The following SEMA3E variants were observed in gnomAD, a reference collection of about 807,000 sequenced individuals.
The protein encoded by SEMA3E is semaphorin-3E.
A neutral mutation model predicts 93.6 loss-of-function variants in SEMA3E; 49 were observed. The ratio of observed to expected loss-of-function variants is 0.52; its 90% confidence interval spans 0.42 to 0.66. The LOEUF is 0.66. SEMA3E is among the 30% of genes least tolerant of loss of function. The probability of loss-of-function intolerance (pLI) is 0.00; values close to 1 mark genes in which losing one functional copy is unlikely to be tolerated. For missense variants in SEMA3E, 906 were observed against 964.8 expected (o/e 0.94, Z 0.81); for synonymous variants, 363 against 330.7 (o/e 1.10, Z -1.06).
At chr7:83,448,841 G>A (rs906737728) in intron 4 of SEMA3E, among the ~76,000 whole-genome samples, 4 of 152,046 alleles carry the variant, frequency 2.6e-5, no homozygotes, top group African/African-American at 9.7e-5. Context: ...TAAGTTTTTG[G>A]TATGAGAGAC....
intron 2 of SEMA3E, among the ~76,000 whole-genome samples, chr7:83,481,746 A>G (rs1790150080): frequency 6.6e-6 from 1 of 152,198 alleles, no homozygotes; most frequent in African/African-American, 2.4e-5. Context: ...ATAATTTAGA[A>G]AGCAAAGCCA....
At chr7:83,388,342 T>A (rs1787926905) in intron 14 of SEMA3E, among the ~76,000 whole-genome samples, 1 of 145,452 alleles carries the variant, frequency 6.9e-6, no homozygotes, top group South Asian at 2.1e-4. Context: ...TATATATATA[T>A]CTTTAAATAT....
chr7:83,510,047 C>A (rs1270176866), intron 1 of SEMA3E, among the ~76,000 whole-genome samples: 1 of 152,068 alleles, frequency 6.6e-6, no homozygotes, highest in East Asian at 1.9e-4. Context: ...AAAAATCTTG[C>A]TTGACTATTA....
Position 83,365,180 on chromosome 7 carries a change from CTG to C in SEMA3E, c.*2404_*2405del, listed in dbSNP as rs1225112776. On this transcript the variant is annotated 3_prime_UTR_variant, in exon 17 of 17. Coordinates refer to ENST00000643230, the MANE Select transcript of SEMA3E (RefSeq NM_012431.3). The stretch of plus-strand genomic sequence containing the variant: ...GTGTGTTGGGAGAGAGAGGGAGAAA[CTG>C]AGAAAATGGTGGGACATGAAACATA... 2.6e-5 allele frequency: 4 copies of C among 151,754 alleles called. No individual in the cohort carries two copies. The highest frequency in any genetic ancestry group is 4.8e-5 in the African/African-American group (2 of 41,284). 9.4% of individuals were successfully genotyped at this position (151,754 alleles called of 1,614,324 possible).
At chr7:83,619,182 G>A (rs1179729436) in intron 1 of SEMA3E, among the ~76,000 whole-genome samples, 1 of 151,232 alleles carries the variant, frequency 6.6e-6, no homozygotes, top group Non-Finnish European at 1.5e-5. Flanking sequence ...TAAATTTATG[G>A]AACAACTTTT....
chr7:83,592,331 G>A (rs1177917044), intron 1 of SEMA3E, among the ~76,000 whole-genome samples: 2 of 152,094 alleles, frequency 1.3e-5, no homozygotes, highest in Non-Finnish European at 2.9e-5. Context: ...AGGTATGTTG[G>A]TGGTAATAAT....
At chr7:83,585,584 A>T (rs1792610488) in intron 1 of SEMA3E, among the ~76,000 whole-genome samples, 1 of 152,222 alleles carries the variant, frequency 6.6e-6, no homozygotes, top group Non-Finnish European at 1.5e-5. Flanking sequence ...AGACTGCTAA[A>T]TGGCTGGATA....
intron 16 of SEMA3E, among the ~76,000 whole-genome samples, chr7:83,377,274 C>T (rs1787665097): frequency 6.6e-6 from 1 of 151,950 alleles, no homozygotes. Flanking sequence ...TTTTTCCCCC[C>T]AAAATAGAGG....
At chr7:83,518,947 T>A (rs1790988881) in intron 1 of SEMA3E, among the ~76,000 whole-genome samples, 1 of 152,118 alleles carries the variant, frequency 6.6e-6, no homozygotes, top group African/African-American at 2.4e-5. Context: ...ACTTGTATAA[T>A]CATTAGATTT....
intron 1 of SEMA3E, among the ~76,000 whole-genome samples, chr7:83,627,756 T>A (rs1219931300): frequency 1.3e-5 from 2 of 151,734 alleles, no homozygotes; most frequent in African/African-American, 2.4e-5. Context: ...CTGATAGGTC[T>A]TGACTCTTTA....
chr7:83,399,880 T>C (rs1788203237), intron 11 of SEMA3E, 148 bp downstream of exon 11: 2 of 711,562 alleles, frequency 2.8e-6, no homozygotes, highest in Non-Finnish European at 5.0e-6. Context: ...ATGAGGTCTC[T>C]ATTTCAATCT....
chr7:83,629,333 G>A (rs929427931), intron 1 of SEMA3E, among the ~76,000 whole-genome samples: 1 of 152,282 alleles, frequency 6.6e-6, no homozygotes, highest in Non-Finnish European at 1.5e-5. Context: ...GAGCTCAAGC[G>A]CTGTGCTGGT....
At chr7:83,373,651 G>C (rs1285962364) in intron 16 of SEMA3E, among the ~76,000 whole-genome samples, 3 of 151,996 alleles carry the variant, frequency 2.0e-5, no homozygotes, top group African/African-American at 7.2e-5. Context: ...AGGAAAGAAA[G>C]TCATTATAAA....
chr7:83,611,373 A>G (rs1376094628), intron 1 of SEMA3E, among the ~76,000 whole-genome samples: 5 of 144,056 alleles, frequency 3.5e-5, no homozygotes, highest in African/African-American at 1.0e-4. Context: ...TATATATTAT[A>G]TATATAAATT....
chr7:83,633,209 CT>C, intron 1 of SEMA3E, among the ~76,000 whole-genome samples: 1 of 152,224 alleles, frequency 6.6e-6, no homozygotes, highest in Admixed American at 6.5e-5. Context: ...ATGCCCCCTT[CT>C]TTACCTCTTC....
chr7:83,482,718 C>A (rs953715549), intron 2 of SEMA3E, among the ~76,000 whole-genome samples: 3 of 151,942 alleles, frequency 2.0e-5, no homozygotes, highest in African/African-American at 7.3e-5. Flanking sequence ...CTCTTAGGGA[C>A]CCATCTTATA....
chr7:83,404,471 T>C (rs1397925941), intron 9 of SEMA3E, among the ~76,000 whole-genome samples: 1 of 152,018 alleles, frequency 6.6e-6, no homozygotes, highest in East Asian at 1.9e-4. Flanking sequence ...AATTGAGGTA[T>C]ATTCTTCTTT....
intron 4 of SEMA3E, among the ~76,000 whole-genome samples, chr7:83,452,133 G>GTGTATGTGTATGTA (rs1183913820): frequency 4.6e-5 from 1 of 21,840 alleles, no homozygotes; most frequent in Non-Finnish European, 1.9e-4. Context: ...GTGTATGTAT[G>GTGTATGTGTATGTA]TGTGTGTGTG....
chr7:83,451,674 ACATGTC>A (rs1789362014), intron 4 of SEMA3E, among the ~76,000 whole-genome samples: 1 of 152,234 alleles, frequency 6.6e-6, no homozygotes, highest in Admixed American at 6.5e-5. Flanking sequence ...ACTGTTAAGC[ACATGTC>A]CCATGTGGAA....
Sources: gnomAD v4.1 joint callset for allele counts (sites outside exome capture counted in the v4.1 genomes callset) on GRCh38, gnomAD v4.1.1 for gene constraint, MANE v1.5 for transcripts, NCBI Gene and HGNC (gene_info 2026-07-23, HGNC 2026-07-21) for gene names.